The following TCHP variants were observed in gnomAD, a reference collection of about 807,000 sequenced individuals.
TCHP encodes trichoplein keratin filament-binding protein.
A neutral mutation model predicts 88.7 loss-of-function variants in TCHP; 81 were observed. That is an observed-to-expected ratio of 0.91 (90% confidence interval 0.76 to 1.10). The LOEUF (loss-of-function observed/expected upper bound fraction) is 1.10, where lower values mean the gene tolerates loss of function less well. TCHP is among the 50% of genes least tolerant of loss of function. The pLI, the probability that TCHP is intolerant of heterozygous loss-of-function variation, is 0.00. For missense variants in TCHP, 641 were observed against 632.1 expected, an observed-to-expected ratio of 1.01 and a Z score of -0.15; for synonymous variants, 232 against 232.5, an observed-to-expected ratio of 1.00 and a Z score of 0.02.
In TCHP at chr12:109,903,416, G is replaced by GC. The variant is rs1254102638; in HGVS notation, c.188+203dup. 1.3e-5 allele frequency among the ~76,000 whole-genome samples: 2 copies of GC among 152,184 alleles called. No homozygotes were observed. Among genetic ancestry groups the GC allele is most frequent in the Non-Finnish European group, 2.9e-5 (2 of 68,042 alleles). On this transcript the variant is annotated intron_variant, in intron 2 of 12. Transcript: ENST00000405876. This position sits in a 1 kb window ranked among gnomAD's most constrained non-coding sequence, Gnocchi z 4.6. ...TTGAAAAAGATAAAATGATGCAGAAGCATATGATAGAATTTGGAAGCCTGG... is the reference window on the plus strand; with the variant it reads ...TTGAAAAAGATAAAATGATGCAGAAGCCATATGATAGAATTTGGAAGCCTGG...
chr12:109,897,614 T>C (rs887001216), upstream of TCHP, among the ~76,000 whole-genome samples: 1 of 151,514 alleles, frequency 6.6e-6, no homozygotes, highest in African/African-American at 2.4e-5. Flanking sequence ...AGGCTGGAGT[T>C]CAGCGGTCAG....
rs1870165250 is a variant in TCHP, at chr12:109,906,914, G to T, written c.525+274G>T. ...TCTTCTTTTTTTCTTTTGGAGGCAG[G>T]GTCTTGCTCTGTCACCCAGGCTGGT... is the stretch of plus-strand genomic sequence containing the variant. On this transcript the variant is annotated intron_variant, in intron 5 of 12. Coordinates refer to ENST00000405876, the MANE Select transcript of TCHP (RefSeq NM_001143852.2). Among the ~76,000 whole-genome samples, 3 of 152,236 alleles carry T rather than the reference G, an allele frequency of 2.0e-5. No homozygotes were observed. The South Asian group carries it at 6.2e-4, about 32-fold the overall frequency.
intron 8 of TCHP, 73 bp from the exon 9 acceptor site, chr12:109,910,990 G>A: frequency 7.0e-7 from 1 of 1,429,346 alleles, no homozygotes; most frequent in South Asian, 1.5e-5. Flanking sequence ...AGGGAGGGCA[G>A]GCCCCTCTGT....
chr12:109,887,937 A>C, the TCHP span: 1 of 152,022 alleles, frequency 6.6e-6, no homozygotes, highest in African/African-American at 2.4e-5. Flanking sequence ...CCATGCCTGG[A>C]TAATTTTTAA....
chr12:109,903,954 G>GGGAGAAGATGAAGGA lies in TCHP; in HGVS notation c.215_229dup (p.Met72_Lys76dup), dbSNP rs1158436146. On this transcript the variant is annotated inframe_insertion, in exon 3 of 13. Transcript: ENST00000405876. The surrounding 1 kb of genome is among the most constrained non-coding windows in gnomAD (Gnocchi z 4.6). ...TCACCCAGCATGCATGCCTATCAGC[G>GGGAGAAGATGAAGGA]GGAGAAGATGAAGGAGGAGAAGAGG... is the stretch of plus-strand genomic sequence containing the variant. 2 of 1,608,194 alleles carry GGGAGAAGATGAAGGA rather than the reference G, an allele frequency of 1.2e-6. No individual in the cohort carries two copies. The highest frequency in any genetic ancestry group is 2.7e-5 in the African/African-American group (2 of 74,814).
At chr12:109,899,705 T>C (rs952172465), upstream of TCHP, among the ~76,000 whole-genome samples, 1 of 152,158 alleles carries the variant, frequency 6.6e-6, no homozygotes, top group African/African-American at 2.4e-5. Context: ...AAGTTGTACA[T>C]TGAACACACC....
In TCHP at chr12:109,911,252, G is replaced by T; in HGVS notation, c.1052+17G>T. Reference sequence around the variant, plus strand: ...GCTGCTGAGGTGAGTGGCAGCTGCTGACTGGGCTGGATGCTCCTGGCCTCA... The same window carrying T: ...GCTGCTGAGGTGAGTGGCAGCTGCTTACTGGGCTGGATGCTCCTGGCCTCA... On this transcript the variant is annotated intron_variant, in intron 9 of 12. Coordinates refer to ENST00000405876, the MANE Select transcript of TCHP (RefSeq NM_001143852.2). The T allele has an allele frequency of 4.9e-6, 7 of 1,424,602 alleles. No individual in the cohort carries two copies. The South Asian group carries it at 7.7e-5, about 16-fold the overall frequency. The allele number at this position is 1,424,602 out of a possible 1,614,324, so 88.2% of individuals were successfully genotyped here.
At chr12:109,904,400 C>A (rs1214957700) in intron 3 of TCHP, among the ~76,000 whole-genome samples, 1 of 152,212 alleles carries the variant, frequency 6.6e-6, no homozygotes, top group East Asian at 1.9e-4. Context: ...CCACAGAGAT[C>A]TGGGACTAGT....
intron 4 of TCHP, 34 bp downstream of exon 4, chr12:109,904,827 G>A (rs2136069524): frequency 6.3e-7 from 1 of 1,580,674 alleles, no homozygotes; most frequent in East Asian, 2.2e-5. Context: ...ATTTATCTAA[G>A]TAGATGAAAT....
chr12:109,888,723 C>T, the TCHP span, among the ~76,000 whole-genome samples: 1 of 152,164 alleles, frequency 6.6e-6, no homozygotes, highest in Non-Finnish European at 1.5e-5. Flanking sequence ...ATGTTTAAAA[C>T]TCAACACTTC....
At chr12:109,901,345 C>CT (rs151079579) in intron 1 of TCHP, among the ~76,000 whole-genome samples, 7 of 152,246 alleles carry the variant, frequency 4.6e-5, no homozygotes, top group East Asian at 1.9e-4. Context: ...CTTTTAGACT[C>CT]TTTTTTTCCC....
chr12:109,915,810 T>C (rs1870790135), intron 12 of TCHP, among the ~76,000 whole-genome samples: 1 of 152,140 alleles, frequency 6.6e-6, no homozygotes, highest in South Asian at 2.1e-4. Flanking sequence ...CTGTCCACCC[T>C]CTTTGGTCAA....
intron 1 of TCHP, 35 bp from the exon 2 acceptor site, chr12:109,902,992 G>T (rs762038814): frequency 6.4e-7 from 1 of 1,563,002 alleles, no homozygotes; most frequent in East Asian, 2.3e-5. Context: ...CCTGGGATTT[G>T]CAGTGGCTCA....
rs1870756874 is a variant in TCHP, at chr12:109,915,460, G to A, written c.1378G>A (p.Glu460Lys). Residue 460 changes from glutamate (E) to lysine (K), a missense_variant, in exon 12 of 13, where the codon GAG becomes AAG. Glu to Lys is a moderately conservative substitution (Grantham distance 56, BLOSUM62 1). Transcript: ENST00000405876. ...AGACCAGCAGGAGGAGGAGGAAGAGGAGGAGGCCCGGCGGGTCGAGCAGCT... is the reference window on the plus strand; with the variant it reads ...AGACCAGCAGGAGGAGGAGGAAGAGAAGGAGGCCCGGCGGGTCGAGCAGCT... The part of the protein sequence containing the change: ...EADQQEEEEE[E>K]EARRVEQLSD... The A allele has an allele frequency of 1.2e-6, 2 of 1,613,992 alleles. No individual in the cohort carries two copies. Among genetic ancestry groups the A allele is most frequent in the East Asian group, 4.5e-5 (2 of 44,880 alleles).
chr12:109,886,639 C>T, the TCHP span, among the ~76,000 whole-genome samples: 8,171 of 152,192 alleles, frequency 0.054, 321 homozygotes, highest in East Asian at 0.12. Context: ...TGGTTCTTTT[C>T]GGTGGGCAAT....
chr12:109,897,285 C>T (rs898157300), upstream of TCHP, among the ~76,000 whole-genome samples: 3 of 152,176 alleles, frequency 2.0e-5, no homozygotes, highest in African/African-American at 7.2e-5. Flanking sequence ...CTGTGGGGGC[C>T]GGTGAGGATG....
the TCHP span, among the ~76,000 whole-genome samples, chr12:109,885,179 A>G: frequency 6.6e-6 from 1 of 152,234 alleles, no homozygotes; most frequent in Non-Finnish European, 1.5e-5. Context: ...CATGTTGGCC[A>G]GGCTGGTCTC....
Position 109,916,645 on chromosome 12 carries a change from A to C in TCHP, c.*22A>C, listed in dbSNP as rs766231297. 1 of 1,612,070 alleles carries C rather than the reference A, an allele frequency of 6.2e-7. No homozygotes were observed. Among genetic ancestry groups the C allele is most frequent in the South Asian group, 1.1e-5 (1 of 90,544 alleles). On this transcript the variant is annotated 3_prime_UTR_variant, in exon 13 of 13. Transcript: ENST00000405876. ...CTGACTTCATGGGTACCATAAGTAC[A>C]GAGAACAAGGGATGCTGAGGCTTCT... is the stretch of plus-strand genomic sequence containing the variant.
intron 12 of TCHP, 80 bp downstream of exon 12, chr12:109,915,626 G>A (rs1246503864): frequency 5.5e-6 from 8 of 1,464,500 alleles, no homozygotes; most frequent in Admixed American, 2.4e-5. Context: ...CCTGCTCATC[G>A]CCCCGCGCCG....
Sources: allele counts gnomAD v4.1 joint callset (sites outside exome capture counted in the v4.1 genomes callset), GRCh38; gene constraint gnomAD v4.1.1; non-coding constraint Gnocchi (gnomAD v3.1); transcripts MANE v1.5; gene names NCBI Gene and HGNC (gene_info 2026-07-23, HGNC 2026-07-21).